ARFGAP3: variants seen among roughly 807,000 people sequenced by gnomAD.
ARFGAP3 encodes the protein ARF GTPase activating protein 3, also known as ADP-ribosylation factor GTPase-activating protein 3.
Under a neutral mutation model 75.0 loss-of-function variants are expected in ARFGAP3, and 72 were observed. The ratio of observed to expected loss-of-function variants is 0.96; its 90% confidence interval spans 0.79 to 1.17. The LOEUF is 1.17. Ranked by LOEUF, ARFGAP3 falls within the 50% of genes most tolerant of loss-of-function variation. The probability of loss-of-function intolerance (pLI) is 0.00; values close to 1 mark genes in which losing one functional copy is unlikely to be tolerated. For synonymous variants in ARFGAP3, 221 were observed against 217.9 expected (o/e 1.01, Z -0.13); for missense variants, 620 against 626.6 (o/e 0.99, Z 0.11).
intron 10 of ARFGAP3, 134 bp downstream of exon 10, chr22:42,817,595 G>T: frequency 1.2e-6 from 1 of 859,454 alleles, no homozygotes; most frequent in Non-Finnish European, 1.8e-6. Context: ...CCAGAGCAAA[G>T]CAAAAATAAT....
intron 14 of ARFGAP3, among the ~76,000 whole-genome samples, chr22:42,802,495 G>A (rs1234796253): frequency 4.0e-5 from 6 of 149,724 alleles, no homozygotes; most frequent in Middle Eastern, 3.5e-3. Context: ...GGGTTTCACC[G>A]TGTTAGCCAG....
chr22:42,798,612 C>T (rs144568859), intron 15 of ARFGAP3, among the ~76,000 whole-genome samples: 5 of 152,326 alleles, frequency 3.3e-5, no homozygotes, highest in East Asian at 1.9e-4. Context: ...ACCCTCTATA[C>T]AATATAATCC....
At chr22:42,851,048 G>T (rs2146590384) in intron 1 of ARFGAP3, among the ~76,000 whole-genome samples, 1 of 152,308 alleles carries the variant, frequency 6.6e-6, no homozygotes, top group African/African-American at 2.4e-5. Flanking sequence ...GCCAAAAGGT[G>T]CTGTTCTTCC....
chr22:42,847,009 G>A (rs955207729), intron 2 of ARFGAP3, among the ~76,000 whole-genome samples: 2 of 152,144 alleles, frequency 1.3e-5, no homozygotes, highest in African/African-American at 4.8e-5. Context: ...GCATCGCCTA[G>A]TGAGAACGCT....
At chr22:42,840,724 T>G (rs1326303750) in intron 3 of ARFGAP3, among the ~76,000 whole-genome samples, 1 of 152,056 alleles carries the variant, frequency 6.6e-6, no homozygotes, top group Non-Finnish European at 1.5e-5. Flanking sequence ...ACACCACACC[T>G]GACTTGTTTG....
intron 14 of ARFGAP3, among the ~76,000 whole-genome samples, chr22:42,803,119 C>T (rs1270425095): frequency 6.6e-6 from 1 of 152,114 alleles, no homozygotes; most frequent in African/African-American, 2.4e-5. Context: ...CCTTAGCCTC[C>T]GAGTAATTGG....
At chr22:42,809,741 C>T (rs537724928) in intron 12 of ARFGAP3, among the ~76,000 whole-genome samples, 25 of 152,226 alleles carry the variant, frequency 1.6e-4, no homozygotes, top group Non-Finnish European at 3.2e-4. Context: ...CGGTGGCTCA[C>T]GCCTGTAATC....
At position 42,817,858 on chromosome 22, in the gene ARFGAP3, C is replaced by G; in HGVS notation, c.813-1G>C. Reference sequence around the variant, plus strand: ...ATAGGCTAATCGTAATGATGAAACACTGCCAGAAAAACCAAATACTCCTTA... The same window carrying G: ...ATAGGCTAATCGTAATGATGAAACAGTGCCAGAAAAACCAAATACTCCTTA... On this transcript the variant is annotated splice_acceptor_variant, in intron 9 of 15. Coordinates refer to ENST00000263245, the MANE Select transcript of ARFGAP3 (RefSeq NM_014570.5). LOFTEE classifies it high-confidence loss of function. 1.3e-6 allele frequency: 2 copies of G among 1,597,972 alleles called. No homozygotes were observed. Among genetic ancestry groups the G allele is most frequent in the Non-Finnish European group, 1.7e-6 (2 of 1,172,378 alleles).
At position 42,799,044 on chromosome 22, in the gene ARFGAP3, T is replaced by C; in HGVS notation, c.1528A>G (p.Ile510Val). 4.3e-6 allele frequency: 7 copies of C among 1,614,142 alleles called. 1 individual carries two copies. The South Asian group carries it at 5.5e-5, about 13-fold the overall frequency. The change falls in exon 15 of 16, where the codon ATT (isoleucine) becomes GTT (valine). Residue 510 changes from isoleucine to valine, a missense_variant. Ile to Val is a conservative substitution (Grantham distance 29, BLOSUM62 3). Coordinates refer to ENST00000263245, the MANE Select transcript of ARFGAP3 (RefSeq NM_014570.5). ...CACTGCCCCATTCCACTGACCTGAATTGAAGTCACGACTCCATTAGCAAAG... is the reference window on the plus strand; with the variant it reads ...CACTGCCCCATTCCACTGACCTGAACTGAAGTCACGACTCCATTAGCAAAG... ...SVFANGVVTS[I>V]QDRYGS
chr22:42,823,669 T>C lies in ARFGAP3; in HGVS notation c.659A>G (p.Gln220Arg). The C allele has an allele frequency of 1.3e-6, 2 of 1,572,916 alleles. No homozygotes were observed. Among genetic ancestry groups the C allele is most frequent in the South Asian group, 2.4e-5 (2 of 85,010 alleles). Residue 220 changes from glutamine to arginine, a missense_variant, in exon 8 of 16, where the codon CAA (glutamine) becomes CGA (arginine). Physicochemically the swap from Gln to Arg is conservative, Grantham distance 43. Coordinates refer to ENST00000263245, the MANE Select transcript of ARFGAP3 (RefSeq NM_014570.5). ...VSSIIKKKPN[Q>R]AKKGLGAKKG... is the part of the protein sequence containing the mutation. Reference sequence around the variant, plus strand: ...CATAATACTCACGCCTTTTTTAGCTTGATTTGGTTTCTTTTTTATGATAGA... The same window carrying C: ...CATAATACTCACGCCTTTTTTAGCTCGATTTGGTTTCTTTTTTATGATAGA...
At chr22:42,798,644 G>T (rs989921855) in intron 15 of ARFGAP3, among the ~76,000 whole-genome samples, 5 of 152,188 alleles carry the variant, frequency 3.3e-5, no homozygotes, top group African/African-American at 1.2e-4. Flanking sequence ...TAAAAAGATA[G>T]ATATGTATAT....
chr22:42,808,761 C>T lies in ARFGAP3; in HGVS notation c.1320+6G>A. On this transcript the variant is annotated splice_donor_region_variant and intron_variant, in intron 13 of 15. Transcript: ENST00000263245. ...GGGCACCCAAAGAAACTCTCTGGACCCTTACATCAGCCTGGGATTGTCTTC... is the reference window on the plus strand; with the variant it reads ...GGGCACCCAAAGAAACTCTCTGGACTCTTACATCAGCCTGGGATTGTCTTC... 6.2e-7 allele frequency: 1 copy of T among 1,607,928 alleles called. No individual in the cohort carries two copies. The highest frequency in any genetic ancestry group is 8.5e-7 in the Non-Finnish European group (1 of 1,176,062).
intron 1 of ARFGAP3, among the ~76,000 whole-genome samples, chr22:42,848,335 A>G (rs965099761): frequency 3.3e-5 from 5 of 152,118 alleles, no homozygotes; most frequent in African/African-American, 1.2e-4. Context: ...CAGCCTCCTG[A>G]GTAGCTGGGA....
intron 14 of ARFGAP3, among the ~76,000 whole-genome samples, chr22:42,799,480 A>G (rs1268482439): frequency 6.6e-6 from 1 of 152,184 alleles, no homozygotes; most frequent in Non-Finnish European, 1.5e-5. Context: ...CAAGGTGCTT[A>G]ACATAGCCCT....
intron 8 of ARFGAP3, among the ~76,000 whole-genome samples, chr22:42,823,272 C>T (rs555880176): frequency 6.6e-6 from 1 of 152,128 alleles, no homozygotes; most frequent in Admixed American, 6.6e-5. Context: ...GGATTCAAAC[C>T]CTGCACCTGC....
intron 11 of ARFGAP3, among the ~76,000 whole-genome samples, chr22:42,814,483 G>A (rs1178241119): frequency 6.6e-6 from 1 of 152,198 alleles, no homozygotes; most frequent in African/African-American, 2.4e-5. Flanking sequence ...ATATAAATAT[G>A]CCATCTGCTC....
At position 42,808,406 on chromosome 22, in the gene ARFGAP3, A is replaced by C. The variant is rs569252342; in HGVS notation, c.1320+361T>G. Among the ~76,000 whole-genome samples, 465 of 152,056 alleles carry C rather than the reference A, an allele frequency of 3.1e-3. 2 individuals carry two copies. Among genetic ancestry groups the C allele is most frequent in the African/African-American group, 0.011 (450 of 41,448 alleles). ...GAAGGAGGCTCCGTCTCAAAAAAAA[A>C]AAAAGAAACATATCTATGTGCTTCA... On this transcript the variant is annotated intron_variant, in intron 13 of 15. Transcript: ENST00000263245.
intron 3 of ARFGAP3, among the ~76,000 whole-genome samples, chr22:42,836,942 G>C (rs933593341): frequency 9.9e-5 from 15 of 152,240 alleles, no homozygotes; most frequent in African/African-American, 3.6e-4. Flanking sequence ...TCCAAGCACA[G>C]AACTCACAGC....
intron 5 of ARFGAP3, among the ~76,000 whole-genome samples, chr22:42,833,553 C>T (rs1274617371): frequency 2.6e-5 from 4 of 152,112 alleles, no homozygotes; most frequent in African/African-American, 7.2e-5. Flanking sequence ...GTCAGGAGTT[C>T]GAGACCAGCC....
Sources: allele counts gnomAD v4.1 joint callset (sites outside exome capture counted in the v4.1 genomes callset), GRCh38; gene constraint gnomAD v4.1.1; transcripts MANE v1.5; gene names NCBI Gene and HGNC (gene_info 2026-07-23, HGNC 2026-07-21).